The following CCBE1 variants were observed in gnomAD, a reference collection of about 807,000 sequenced individuals.
CCBE1 encodes collagen and calcium binding EGF domains 1.
In CCBE1, 37 loss-of-function variants were observed where a neutral mutation model predicts 50.0. That is an observed-to-expected ratio of 0.74 (90% CI 0.57 to 0.97). The LOEUF is 0.97. Among genes scored for constraint, CCBE1 ranks in the 50% least tolerant of loss-of-function variants. CCBE1 has a pLI of 0.00. For missense variants in CCBE1, 538 were observed against 523.8 expected, an observed-to-expected ratio of 1.03 and a Z score of -0.26; for synonymous variants, 234 against 203.7, an observed-to-expected ratio of 1.15 and a Z score of -1.27.
intron 2 of CCBE1, among the ~76,000 whole-genome samples, chr18:59,644,793 T>TA (rs1393642403): frequency 6.6e-6 from 1 of 152,162 alleles, no homozygotes; most frequent in Non-Finnish European, 1.5e-5. Context: ...TGCCTCCCCA[T>TA]AAAAAATCCT....
intron 2 of CCBE1, among the ~76,000 whole-genome samples, chr18:59,639,721 A>C (rs941443450): frequency 3.3e-5 from 5 of 152,162 alleles, no homozygotes; most frequent in Admixed American, 3.3e-4. Context: ...TCCAGGCGAT[A>C]TGATTTTATA....
intron 2 of CCBE1, among the ~76,000 whole-genome samples, chr18:59,658,533 A>C (rs1599109602): frequency 1.4e-5 from 2 of 145,830 alleles, no homozygotes; most frequent in Non-Finnish European, 3.0e-5. Context: ...GTGCCACTGC[A>C]CTACAACCTG....
At chr18:59,616,157 G>T (rs919965875) in intron 2 of CCBE1, among the ~76,000 whole-genome samples, 1 of 152,196 alleles carries the variant, frequency 6.6e-6, no homozygotes, top group African/African-American at 2.4e-5. Context: ...GAGCTGCAGA[G>T]TGCAGGGCAG....
At chr18:59,671,540 T>G (rs533441369) in intron 2 of CCBE1, among the ~76,000 whole-genome samples, 4 of 150,946 alleles carry the variant, frequency 2.6e-5, no homozygotes, top group Non-Finnish European at 5.9e-5. Flanking sequence ...GTAACTGACT[T>G]CTTCTTCAGT....
At chr18:59,563,331 C>G (rs1427240854) in intron 2 of CCBE1, among the ~76,000 whole-genome samples, 1 of 152,182 alleles carries the variant, frequency 6.6e-6, no homozygotes, top group Admixed American at 6.5e-5. Context: ...TTTTAAAATA[C>G]TATTTGTTTG....
chr18:59,695,953 C>A (rs1484985568), intron 2 of CCBE1, among the ~76,000 whole-genome samples: 1 of 144,190 alleles, frequency 6.9e-6, no homozygotes, highest in African/African-American at 2.7e-5. Context: ...AGGCTGCAAG[C>A]AGAACAGTGG....
intron 2 of CCBE1, among the ~76,000 whole-genome samples, chr18:59,543,208 C>T (rs1319713821): frequency 4.6e-5 from 7 of 152,128 alleles, no homozygotes; most frequent in Admixed American, 1.3e-4. Context: ...GGATTCTGCA[C>T]AAATGACCTC....
chr18:59,626,353 GCA>G (rs1439522963), intron 2 of CCBE1, among the ~76,000 whole-genome samples: 2 of 152,130 alleles, frequency 1.3e-5, no homozygotes, highest in Non-Finnish European at 2.9e-5. Context: ...CCCTTTACGT[GCA>G]TTTTTCAGTA....
intron 2 of CCBE1, among the ~76,000 whole-genome samples, chr18:59,504,489 T>C (rs908888393): frequency 6.6e-6 from 1 of 152,038 alleles, no homozygotes; most frequent in African/African-American, 2.4e-5. Flanking sequence ...CTTGTGCCTA[T>C]ATTTATACAC....
At chr18:59,480,298 G>A in intron 2 of CCBE1, 60 bp from the exon 3 acceptor site, 8 of 1,271,776 alleles carry the variant, frequency 6.3e-6, no homozygotes, top group Non-Finnish European at 9.1e-6. Flanking sequence ...ATTCTTTCCA[G>A]TTATTGTTGT....
At chr18:59,572,843 G>A (rs1004800773) in intron 2 of CCBE1, among the ~76,000 whole-genome samples, 1 of 152,176 alleles carries the variant, frequency 6.6e-6, no homozygotes, top group African/African-American at 2.4e-5. Context: ...GTGCCCCTAA[G>A]ATGGTTTTAG....
chr18:59,525,547 G>C (rs1914784777), intron 2 of CCBE1, among the ~76,000 whole-genome samples: 3 of 152,114 alleles, frequency 2.0e-5, no homozygotes, highest in Admixed American at 2.0e-4. Context: ...CTATTCTGTA[G>C]ATTGTTTATT....
At chr18:59,500,788 G>A (rs1438293219) in intron 2 of CCBE1, among the ~76,000 whole-genome samples, 1 of 152,154 alleles carries the variant, frequency 6.6e-6, no homozygotes, top group South Asian at 2.1e-4. Context: ...ACACACTCAG[G>A]ACCTGCTGCC....
At chr18:59,453,297 T>C (rs1911027958) in intron 6 of CCBE1, among the ~76,000 whole-genome samples, 1 of 152,196 alleles carries the variant, frequency 6.6e-6, no homozygotes, top group Admixed American at 6.5e-5. Flanking sequence ...GCAAACTTAC[T>C]TCTTCCTCGA....
At chr18:59,594,352 A>G (rs534659447) in intron 2 of CCBE1, among the ~76,000 whole-genome samples, 2 of 152,342 alleles carry the variant, frequency 1.3e-5, no homozygotes, top group Admixed American at 6.5e-5. Context: ...AGTCAAATTC[A>G]GAGAGACAGA....
intron 2 of CCBE1, among the ~76,000 whole-genome samples, chr18:59,583,759 G>A (rs2053130702): frequency 6.6e-6 from 1 of 151,824 alleles, no homozygotes; most frequent in Non-Finnish European, 1.5e-5. Context: ...CACAGAGAAG[G>A]GCAATTTTTT....
chr18:59,446,716 C>T lies in CCBE1; in HGVS notation c.775+1267G>A, dbSNP rs186178144. On this transcript the variant is annotated intron_variant, in intron 7 of 10. Transcript: ENST00000439986. ...ACCAGTCTGCCATGTCCAGATCAAACCTAAATGCCGCTGACCACTGCAGAC... is the reference window on the plus strand; with the variant it reads ...ACCAGTCTGCCATGTCCAGATCAAATCTAAATGCCGCTGACCACTGCAGAC... 2.1e-3 allele frequency among the ~76,000 whole-genome samples: 317 copies of T among 152,346 alleles called. 2 individuals are homozygous for T. The highest frequency in any genetic ancestry group is 6.3e-3 in the Admixed American group (97 of 15,302).
intron 4 of CCBE1, among the ~76,000 whole-genome samples, chr18:59,469,269 T>C (rs1158470190): frequency 1.3e-5 from 2 of 152,254 alleles, no homozygotes; most frequent in Non-Finnish European, 2.9e-5. Flanking sequence ...AATTAGGACC[T>C]TGCTGGTACC....
intron 2 of CCBE1, among the ~76,000 whole-genome samples, chr18:59,563,158 G>A (rs917034599): frequency 2.0e-5 from 3 of 152,216 alleles, no homozygotes; most frequent in Non-Finnish European, 4.4e-5. Context: ...CAGAGGTAAA[G>A]GTACAGGTCC....
Sources: gnomAD v4.1 joint callset for allele counts (sites outside exome capture counted in the v4.1 genomes callset) on GRCh38, gnomAD v4.1.1 for gene constraint, MANE v1.5 for transcripts, NCBI Gene and HGNC (gene_info 2026-07-23, HGNC 2026-07-21) for gene names.